The following ZER1 variants were observed in gnomAD, a reference collection of about 807,000 sequenced individuals.
The protein encoded by ZER1 is protein zer-1 homolog.
ZER1 carries 11 observed loss-of-function variants against 78.8 expected under a neutral mutation model. That is an observed-to-expected ratio of 0.14 (90% CI 0.09 to 0.23). The LOEUF (loss-of-function observed/expected upper bound fraction) is 0.23. Among genes scored for constraint, ZER1 ranks in the 10% least tolerant of loss-of-function variants. ZER1 has a pLI of 1.00. For synonymous variants in ZER1, 400 were observed against 407.0 expected (o/e 0.98, Z 0.21); for missense variants, 588 against 996.9 (o/e 0.59, Z 5.52).
At chr9:128,736,025 T>G (rs1326736552) in intron 13 of ZER1, among the ~76,000 whole-genome samples, 6 of 151,904 alleles carry the variant, frequency 3.9e-5, no homozygotes, top group African/African-American at 1.5e-4. Context: ...CTCGGCTCAC[T>G]GCAAGCTCCG....
rs1393941249 is a variant in ZER1 at position 128,734,193 on chromosome 9, T to A, written c.2141-665A>T. Reference sequence around the variant, plus strand: ...CTTAAAAAAAATATATATATATATATAATAGATATAATTTTTTTTTTGAGA... The same window carrying A: ...CTTAAAAAAAATATATATATATATAAAATAGATATAATTTTTTTTTTGAGA... On this transcript the variant is annotated intron_variant, in intron 14 of 15. Coordinates refer to ENST00000291900, the MANE Select transcript of ZER1 (RefSeq NM_006336.4). 5.0e-5 allele frequency among the ~76,000 whole-genome samples: 5 copies of A among 100,170 alleles called. 1 individual carries two copies. The South Asian group carries it at 1.1e-3, about 23-fold the overall frequency. The allele number at this position is 100,170 out of a possible 152,430, so 65.7% of individuals were successfully genotyped here.
chr9:128,740,985 C>G lies in ZER1; in HGVS notation c.1738-98G>C. On this transcript the variant is annotated intron_variant, in intron 11 of 15. Transcript: ENST00000291900. This position sits in a 1 kb window ranked among gnomAD's most constrained non-coding sequence, Gnocchi z 4.4. ...AAGCTTCATGGGCATCTGGCCATGC[C>G]AACTAGACAAAGAGGGGGCATATAT... 7.1e-6 allele frequency: 5 copies of G among 705,702 alleles called. No individual in the cohort carries two copies. Among genetic ancestry groups the G allele is most frequent in the Non-Finnish European group, 1.3e-5 (5 of 380,434 alleles). 43.7% of individuals were successfully genotyped at this position (705,702 alleles called of 1,614,324 possible).
Position 128,753,165 on chromosome 9 carries a change from G to A in ZER1, c.745C>T (p.Arg249Ter). Reference protein sequence around the residue: ...IRVIVQLHKLRHLDISRDRLS... With the variant: ...IRVIVQLHKL The stretch of plus-strand genomic sequence containing the variant: ...GTGAGCTCTGGGCCAGGAGCTCACC[G>A]CAGCTTGTGCAGCTGCACGATGACC... The change falls in exon 4 of 16, where the codon CGA becomes TGA. Residue 249 changes from arginine (R) to a stop codon, truncating the protein, a stop_gained and splice_region_variant. Coordinates refer to ENST00000291900, the MANE Select transcript of ZER1 (RefSeq NM_006336.4). LOFTEE classifies it high-confidence loss of function. This position sits in a 1 kb window ranked among gnomAD's most constrained non-coding sequence, Gnocchi z 7.5. The A allele has an allele frequency of 1.3e-6, 2 of 1,534,182 alleles. No homozygotes were observed. Among genetic ancestry groups the A allele is most frequent in the Non-Finnish European group, 1.8e-6 (2 of 1,137,728 alleles).
rs921198092 is a variant in ZER1 at position 128,749,094 on chromosome 9, G to A, written c.1359+1522C>T. 2.7e-4 allele frequency among the ~76,000 whole-genome samples: 41 copies of A among 150,602 alleles called. No homozygotes were observed. In the East Asian group the frequency reaches 7.7e-3, roughly 28 times the overall value. On this transcript the variant is annotated intron_variant, in intron 8 of 15. Coordinates refer to ENST00000291900, the MANE Select transcript of ZER1 (RefSeq NM_006336.4). ...TGTAATCCCAGCACTTTGGGAGGCC[G>A]AGGCAGGTGGATCACCTGAGCTCAG... is the stretch of plus-strand genomic sequence containing the variant.
chr9:128,735,761 G>GTTT, intron 13 of ZER1, among the ~76,000 whole-genome samples: 1 of 26,790 alleles, frequency 3.7e-5, no homozygotes, highest in African/African-American at 1.2e-4. Context: ...GTGTGACCTG[G>GTTT]TTTTTTTTTT....
intron 1 of ZER1, among the ~76,000 whole-genome samples, chr9:128,768,043 T>C (rs1035088374): frequency 7.2e-5 from 11 of 152,226 alleles, no homozygotes; most frequent in African/African-American, 2.2e-4. Context: ...GCTGAGGAGA[T>C]GCCATGAAAG....
At chr9:128,771,336 C>G (rs891024132) in intron 1 of ZER1, among the ~76,000 whole-genome samples, 2 of 152,206 alleles carry the variant, frequency 1.3e-5, no homozygotes, top group Non-Finnish European at 2.9e-5. Context: ...GCCCTTTCAG[C>G]CCTACACCGA....
chr9:128,766,436 C>A (rs1455349079), intron 1 of ZER1, among the ~76,000 whole-genome samples: 1 of 151,944 alleles, frequency 6.6e-6, no homozygotes, highest in South Asian at 2.1e-4. Flanking sequence ...GCAGGAGTTA[C>A]CATCTACAAC....
Position 128,734,618 on chromosome 9 carries a change from G to A in ZER1, c.2140+716C>T, listed in dbSNP as rs370333002. 1.1e-4 allele frequency among the ~76,000 whole-genome samples: 17 copies of A among 152,080 alleles called. No individual in the cohort carries two copies. The East Asian group carries it at 2.3e-3, about 21-fold the overall frequency. On this transcript the variant is annotated intron_variant, in intron 14 of 15. Transcript: ENST00000291900. ...CTAAGTGCTGGGATTACAGGTGTGAGCCACTATGCCTGGCCTCCAGCGCTC... is the reference window on the plus strand; with the variant it reads ...CTAAGTGCTGGGATTACAGGTGTGAACCACTATGCCTGGCCTCCAGCGCTC...
rs577724463 is a variant in ZER1, at chr9:128,730,995, G to A, written c.*342C>T. The A allele has an allele frequency of 1.2e-4, 18 of 154,736 alleles. No homozygotes were observed. In the East Asian group the frequency reaches 3.2e-3, roughly 27 times the overall value. 9.6% of individuals were successfully genotyped at this position (154,736 alleles called of 1,614,324 possible). ...GGACTGGACACTCACAGCGTTATAG[G>A]CATTTAGTCTGGTTGGGGTAGGAGT... On this transcript the variant is annotated 3_prime_UTR_variant, in exon 16 of 16. Transcript: ENST00000291900.
intron 11 of ZER1, 142 bp downstream of exon 11, chr9:128,741,393 T>G (rs1863286228): frequency 7.9e-7 from 1 of 1,270,060 alleles, no homozygotes; most frequent in Admixed American, 1.9e-5. Flanking sequence ...CCTGGGTGGG[T>G]GGGCCTGAGT....
At chr9:128,748,531 G>A (rs1318281222) in intron 8 of ZER1, among the ~76,000 whole-genome samples, 1 of 151,938 alleles carries the variant, frequency 6.6e-6, no homozygotes, top group Non-Finnish European at 1.5e-5. Flanking sequence ...TGATCATGCC[G>A]CTATACTCCA....
chr9:128,747,715 G>A (rs1381114891), intron 8 of ZER1, among the ~76,000 whole-genome samples: 1 of 152,138 alleles, frequency 6.6e-6, no homozygotes, highest in East Asian at 1.9e-4. Context: ...CCGAGTTTAA[G>A]CAATTCTCCT....
In ZER1 at chr9:128,751,611, T is replaced by C; in HGVS notation, c.924-84A>G. ...CCACTGGGGGTGGTGAGGCATTTCCTTGCTTTCTCTTCTAGGCCCTCCAAC... is the reference window on the plus strand; with the variant it reads ...CCACTGGGGGTGGTGAGGCATTTCCCTGCTTTCTCTTCTAGGCCCTCCAAC... On this transcript the variant is annotated intron_variant, in intron 5 of 15. Transcript: ENST00000291900. This position sits in a 1 kb window ranked among gnomAD's most constrained non-coding sequence, Gnocchi z 5.4. The C allele has an allele frequency of 8.6e-7, 1 of 1,158,262 alleles. No homozygotes were observed. The allele number at this position is 1,158,262 out of a possible 1,614,324, so 71.7% of individuals were successfully genotyped here.
rs750830435 is a variant in ZER1, at chr9:128,740,056, G to C, written c.1917C>G (p.Ser639=). The change falls in exon 13 of 16, where the codon TCC becomes TCG. Residue 639 remains serine, a synonymous_variant. Coordinates refer to ENST00000291900, the MANE Select transcript of ZER1 (RefSeq NM_006336.4). The surrounding 1 kb of genome is among the most constrained non-coding windows in gnomAD (Gnocchi z 4.4). ...CCTCGGGTCCATCAAACATGATGTG[G>C]GAGAGGACGCCGCAGGCATTGTAGG... The part of the protein sequence containing the change: ...EVSYNACGVL[S]HIMFDGPEAW... 6.2e-7 allele frequency: 1 copy of C among 1,613,970 alleles called. No homozygotes were observed. Among genetic ancestry groups the C allele is most frequent in the East Asian group, 2.2e-5 (1 of 44,880 alleles).
chr9:128,770,193 G>A (rs762148963), intron 1 of ZER1, among the ~76,000 whole-genome samples: 1 of 151,840 alleles, frequency 6.6e-6, no homozygotes. Context: ...GCACAATCTC[G>A]GCTCACTGCA....
intron 1 of ZER1, among the ~76,000 whole-genome samples, chr9:128,768,068 G>A (rs1193271643): frequency 6.6e-6 from 1 of 152,236 alleles, no homozygotes; most frequent in Non-Finnish European, 1.5e-5. Flanking sequence ...GCAGGAAGGT[G>A]GTAACCAATA....
At chr9:128,737,688 C>A (rs117870893) in intron 13 of ZER1, among the ~76,000 whole-genome samples, 1 of 152,056 alleles carries the variant, frequency 6.6e-6, no homozygotes, top group Non-Finnish European at 1.5e-5. Context: ...AGATTATGAA[C>A]GATTCTTGTT....
chr9:128,754,058 C>G lies in ZER1; in HGVS notation c.159-99G>C. ...TCCCCCTGAAGCTTTCTTGGATCAC[C>G]CCAAGTAGCAACCTCCTTCTCCTAA... On this transcript the variant is annotated intron_variant, in intron 2 of 15. Coordinates refer to ENST00000291900, the MANE Select transcript of ZER1 (RefSeq NM_006336.4). This position sits in a 1 kb window ranked among gnomAD's most constrained non-coding sequence, Gnocchi z 4.3. 7.0e-7 allele frequency: 1 copy of G among 1,429,696 alleles called. No individual in the cohort carries two copies. Among genetic ancestry groups the G allele is most frequent in the Non-Finnish European group, 9.4e-7 (1 of 1,060,744 alleles). The allele number at this position is 1,429,696 out of a possible 1,614,324, so 88.6% of individuals were successfully genotyped here. A position where few individuals can be genotyped will look rare whatever the true frequency, so the allele number is the denominator to read the frequency against.
Sources: gnomAD v4.1 joint callset for allele counts (sites outside exome capture counted in the v4.1 genomes callset) on GRCh38, gnomAD v4.1.1 for gene constraint, Gnocchi (gnomAD v3.1) non-coding constraint, MANE v1.5 for transcripts, NCBI Gene and HGNC (gene_info 2026-07-23, HGNC 2026-07-21) for gene names.